The following ZNF599 variants were observed in gnomAD, a reference collection of about 807,000 sequenced individuals.
ZNF599 encodes zinc finger protein 599.
In ZNF599, 10 loss-of-function variants were observed where a neutral mutation model predicts 11.7. That is an observed-to-expected ratio of 0.86 (90% CI 0.53 to 1.45). The LOEUF (loss-of-function observed/expected upper bound fraction) is 1.45. ZNF599 is among the 40% of genes most tolerant of loss of function. ZNF599 has a pLI of 0.00. For missense variants in ZNF599, 688 were observed against 713.6 expected (o/e 0.96, Z 0.41); for synonymous variants, 232 against 253.2 (o/e 0.92, Z 0.79).
At chr19:34,765,702 T>C (rs1050868470) in intron 3 of ZNF599, 17 of 702,424 alleles carry the variant, frequency 2.4e-5, no homozygotes, top group African/African-American at 3.5e-5. Flanking sequence ...AAATCAAGTG[T>C]GTAGGCTTTA....
chr19:34,778,918 A>G, the ZNF599 span, among the ~76,000 whole-genome samples: 2 of 152,360 alleles, frequency 1.3e-5, no homozygotes, highest in East Asian at 3.9e-4. Flanking sequence ...GGGTGGCAAA[A>G]AAACATACAA....
chr19:34,803,549 A>G, the ZNF599 span, among the ~76,000 whole-genome samples: 1 of 152,282 alleles, frequency 6.6e-6, no homozygotes, highest in Non-Finnish European at 1.5e-5. Context: ...ACATCTTTCT[A>G]TAAATCCACC....
the ZNF599 span, among the ~76,000 whole-genome samples, chr19:34,787,440 C>T: frequency 1.3e-5 from 2 of 152,078 alleles, no homozygotes; most frequent in South Asian, 2.1e-4. Context: ...CTATTTGGCT[C>T]CTTTAAAAGA....
At chr19:34,760,770 G>A (rs1043987053) in intron 3 of ZNF599, among the ~76,000 whole-genome samples, 1 of 152,154 alleles carries the variant, frequency 6.6e-6, no homozygotes, top group Admixed American at 6.5e-5. Context: ...AGCAAGGGCA[G>A]GGGGCAAAGA....
At chr19:34,781,621 T>C in the ZNF599 span, among the ~76,000 whole-genome samples, 1 of 152,176 alleles carries the variant, frequency 6.6e-6, no homozygotes, top group African/African-American at 2.4e-5. Flanking sequence ...TAGGAGGCTT[T>C]AACAGTGCCG....
the ZNF599 span, among the ~76,000 whole-genome samples, chr19:34,793,779 C>A: frequency 6.6e-6 from 1 of 152,134 alleles, no homozygotes. Flanking sequence ...TAGCAGAAGC[C>A]CTCGTGGATT....
the ZNF599 span, among the ~76,000 whole-genome samples, chr19:34,786,618 T>C: frequency 6.6e-6 from 1 of 152,156 alleles, no homozygotes; most frequent in Non-Finnish European, 1.5e-5. Flanking sequence ...CTGGGTAATA[T>C]AGTTGTGACC....
chr19:34,797,999 A>G, the ZNF599 span, among the ~76,000 whole-genome samples: 4 of 152,140 alleles, frequency 2.6e-5, no homozygotes, highest in South Asian at 8.3e-4. Flanking sequence ...TCCCAGAGCT[A>G]TGAACATCTG....
upstream of ZNF599, among the ~76,000 whole-genome samples, chr19:34,774,085 T>A (rs1018483500): frequency 6.6e-6 from 1 of 152,234 alleles, no homozygotes; most frequent in African/African-American, 2.4e-5. Flanking sequence ...TTTAAAACGG[T>A]ATATGCAGGA....
intron 3 of ZNF599, chr19:34,764,459 A>G (rs970741252): frequency 1.3e-5 from 2 of 152,264 alleles, no homozygotes; most frequent in Admixed American, 1.3e-4. Flanking sequence ...TATATCCAAC[A>G]AAAAATACAA....
rs928915874 is a variant in ZNF599 at position 34,773,021 on chromosome 19, G to A, written c.-180C>T. 4 of 703,654 alleles carry A rather than the reference G, an allele frequency of 5.7e-6. No individual in the cohort carries two copies. The highest frequency in any genetic ancestry group is 8.8e-6 in the Non-Finnish European group (4 of 456,160). The allele number at this position is 703,654 out of a possible 1,614,324, so 43.6% of individuals were successfully genotyped here. ...CGTGAGGACACAGGGCTGTCGCCAA[G>A]GCCCCAGGAAGGGTTTTGCAGACGC... On this transcript the variant is annotated 5_prime_UTR_variant, in exon 1 of 4. Transcript: ENST00000329285.
chr19:34,777,443 A>G (rs2069225407), upstream of ZNF599, among the ~76,000 whole-genome samples: 2 of 97,316 alleles, frequency 2.1e-5, no homozygotes, highest in Admixed American at 3.3e-4. Context: ...TATATGATAT[A>G]TATTAATTAA....
intron 1 of ZNF599, among the ~76,000 whole-genome samples, chr19:34,770,916 CT>C (rs1486407626): frequency 6.6e-6 from 1 of 152,216 alleles, no homozygotes; most frequent in Non-Finnish European, 1.5e-5. Flanking sequence ...GCACCTTCCC[CT>C]TGCAAAGTGT....
chr19:34,779,582 G>A, the ZNF599 span: 1 of 416,526 alleles, frequency 2.4e-6, no homozygotes. Flanking sequence ...TTTAACCACT[G>A]CTCCAGATGG....
upstream of ZNF599, among the ~76,000 whole-genome samples, chr19:34,777,346 T>TC (rs2069221506): frequency 1.1e-5 from 1 of 90,398 alleles, no homozygotes; most frequent in Non-Finnish European, 2.0e-5. Flanking sequence ...ATTAATATAT[T>TC]ATATATTATA....
At position 34,760,036 on chromosome 19, in the gene ZNF599, G is replaced by T; in HGVS notation, c.765C>A (p.Tyr255Ter). ...AGGCTTTCCCACACTCAATACACTT[G>T]TATGGTTTTTCCCCAGTATGAAGCC... ...HMRLHTGEKP[Y>*]KCIECGKAFK... Residue 255 changes from tyrosine (Y) to a stop codon, truncating the protein, a stop_gained, in exon 4 of 4, where the codon TAC (tyrosine) becomes TAA (stop). Coordinates refer to ENST00000329285, the MANE Select transcript of ZNF599 (RefSeq NM_001007248.3). LOFTEE classifies it low-confidence loss of function (END_TRUNC). The T allele has an allele frequency of 6.8e-6, 11 of 1,613,966 alleles. No homozygotes were observed. The highest frequency in any genetic ancestry group is 9.3e-6 in the Non-Finnish European group (11 of 1,179,990).
At position 34,767,418 on chromosome 19, in the gene ZNF599, A is replaced by G. The variant is rs200678796; in HGVS notation, c.146-7T>C. The G allele has an allele frequency of 4.8e-4, 765 of 1,610,274 alleles. 2 individuals carry two copies. The highest frequency in any genetic ancestry group is 1.5e-3 in the Middle Eastern group (9 of 6,050). ...GGTTTGGGAACAGGATGCCCTGTGCATGGAGAAACAAATGGAGTATGGTGT... is the reference window on the plus strand; with the variant it reads ...GGTTTGGGAACAGGATGCCCTGTGCGTGGAGAAACAAATGGAGTATGGTGT... On this transcript the variant is annotated splice_region_variant and splice_polypyrimidine_tract_variant and intron_variant, in intron 2 of 3. Coordinates refer to ENST00000329285, the MANE Select transcript of ZNF599 (RefSeq NM_001007248.3).
At chr19:34,772,369 G>C (rs1251804543) in intron 1 of ZNF599, 1 of 996,780 alleles carries the variant, frequency 1.0e-6, no homozygotes, top group Non-Finnish European at 1.2e-6. Context: ...CCCTCTCCCA[G>C]CTTTTGGTAG....
chr19:34,798,449 T>C, the ZNF599 span, among the ~76,000 whole-genome samples: 35 of 152,288 alleles, frequency 2.3e-4, no homozygotes, highest in East Asian at 1.7e-3. Flanking sequence ...TCTAGCATCC[T>C]CCCCTTGCTA....
Sources: allele counts gnomAD v4.1 joint callset (sites outside exome capture counted in the v4.1 genomes callset), GRCh38; gene constraint gnomAD v4.1.1; transcripts MANE v1.5; gene names NCBI Gene and HGNC (gene_info 2026-07-23, HGNC 2026-07-21).